Variants in RWDD1 observed in about 807,000 individuals in gnomAD.
RWDD1 encodes RWD domain-containing protein 1.
Under a neutral mutation model 31.6 loss-of-function variants are expected in RWDD1, and 17 were observed. The ratio of observed to expected loss-of-function variants is 0.54; its 90% CI spans 0.37 to 0.81. The LOEUF (loss-of-function observed/expected upper bound fraction) is 0.81. RWDD1 is among the 30% of genes least tolerant of loss of function. The pLI is 0.00. For missense variants in RWDD1, 204 were observed against 274.5 expected, an observed-to-expected ratio of 0.74 and a Z score of 1.82; for synonymous variants, 78 against 94.2, an observed-to-expected ratio of 0.83 and a Z score of 0.99.
chr6:116,571,671 G>T lies in RWDD1; in HGVS notation c.73+16G>T, dbSNP rs1200447885. The stretch of plus-strand genomic sequence containing the variant: ...TCCTTCACAGGTGACTCCCGCGGCC[G>T]CAAGCCTGTAGCCGCCCCGAGGTGG... On this transcript the variant is annotated intron_variant, in intron 1 of 6. Coordinates refer to ENST00000466444, the MANE Select transcript of RWDD1 (RefSeq NM_015952.4). The T allele has an allele frequency of 5.0e-6, 8 of 1,602,790 alleles. No individual in the cohort carries two copies. The highest frequency in any genetic ancestry group is 5.1e-6 in the Non-Finnish European group (6 of 1,175,390).
At chr6:116,578,249 A>G (rs1256501068) in intron 1 of RWDD1, among the ~76,000 whole-genome samples, 1 of 152,198 alleles carries the variant, frequency 6.6e-6, no homozygotes, top group Non-Finnish European at 1.5e-5. Flanking sequence ...CTGAATTCTT[A>G]TGAACTTTTC....
chr6:116,579,074 C>T (rs1243502548), intron 1 of RWDD1, among the ~76,000 whole-genome samples: 2 of 152,130 alleles, frequency 1.3e-5, no homozygotes, highest in Admixed American at 1.3e-4. Context: ...TGAGGTTTCA[C>T]CATGTTGGCC....
At chr6:116,582,922 A>C (rs116650244) in intron 2 of RWDD1, among the ~76,000 whole-genome samples, 4 of 144,048 alleles carry the variant, frequency 2.8e-5, no homozygotes, top group Non-Finnish European at 6.2e-5. Flanking sequence ...GCTTCAACCC[A>C]TAAGTTTTGG....
intron 5 of RWDD1, 24 bp downstream of exon 5, chr6:116,590,428 T>A: frequency 1.3e-6 from 2 of 1,566,972 alleles, no homozygotes; most frequent in Non-Finnish European, 1.7e-6. Flanking sequence ...GCCATTCCTG[T>A]TCTTCCTAAA....
At chr6:116,582,622 A>G (rs1206480818) in intron 2 of RWDD1, among the ~76,000 whole-genome samples, 1 of 152,008 alleles carries the variant, frequency 6.6e-6, no homozygotes, top group Admixed American at 6.6e-5. Flanking sequence ...ATATCTCCCC[A>G]TCCCTGATAT....
rs1775238288 is a variant in RWDD1, at chr6:116,596,336, T to C, written c.*3235T>C. On this transcript the variant is annotated 3_prime_UTR_variant, in exon 7 of 7. Coordinates refer to ENST00000466444, the MANE Select transcript of RWDD1 (RefSeq NM_015952.4). ...TTGAGTAGCATTAGTTTGTTTTCTG[T>C]TTAGGAACTGTATCAGGGTGACAAA... 1 of 152,190 alleles carries C rather than the reference T, an allele frequency of 6.6e-6. No homozygotes were observed. Among genetic ancestry groups the C allele is most frequent in the Non-Finnish European group, 1.5e-5 (1 of 68,024 alleles). The allele number at this position is 152,190 out of a possible 1,614,324, so 9.4% of individuals were successfully genotyped here.
intron 1 of RWDD1, chr6:116,572,844 T>G: frequency 1.0e-6 from 1 of 985,496 alleles, no homozygotes; most frequent in Non-Finnish European, 1.2e-6. Flanking sequence ...AATTTTGTTC[T>G]GCTTTGCCAA....
At chr6:116,575,441 A>C (rs1011246092) in intron 1 of RWDD1, among the ~76,000 whole-genome samples, 2 of 152,162 alleles carry the variant, frequency 1.3e-5, no homozygotes, top group Non-Finnish European at 2.9e-5. Flanking sequence ...CTTAGTGAAG[A>C]CTAATCTTTC....
intron 3 of RWDD1, among the ~76,000 whole-genome samples, chr6:116,586,241 GATA>G: frequency 6.6e-6 from 1 of 151,704 alleles, no homozygotes; most frequent in African/African-American, 2.4e-5. Context: ...AAACTCAGAA[GATA>G]CAAAAAATCA....
In RWDD1 at chr6:116,592,966, G is replaced by C; in HGVS notation, c.611-14G>C. 6.4e-7 allele frequency: 1 copy of C among 1,565,838 alleles called. No individual in the cohort carries two copies. The highest frequency in any genetic ancestry group is 8.6e-7 in the Non-Finnish European group (1 of 1,164,028). On this transcript the variant is annotated splice_polypyrimidine_tract_variant and intron_variant, in intron 6 of 6. Coordinates refer to ENST00000466444, the MANE Select transcript of RWDD1 (RefSeq NM_015952.4). The stretch of plus-strand genomic sequence containing the variant: ...TAAAGGAGATTTTTTTTTTTTTTTG[G>C]TTGCCTTTTGCAGCTGGAAACAACG...
chr6:116,588,819 C>A, intron 3 of RWDD1, 23 bp from the exon 4 acceptor site: 1 of 1,501,960 alleles, frequency 6.7e-7, no homozygotes, highest in Non-Finnish European at 8.8e-7. Context: ...AGTTATTCCT[C>A]ATCACCTTTT....
At chr6:116,587,161 T>A (rs1169166215) in intron 3 of RWDD1, among the ~76,000 whole-genome samples, 1 of 152,182 alleles carries the variant, frequency 6.6e-6, no homozygotes, top group Non-Finnish European at 1.5e-5. Context: ...AAAGACACCA[T>A]CCCTGGTCTC....
chr6:116,578,523 T>A (rs972971847), intron 1 of RWDD1, among the ~76,000 whole-genome samples: 38 of 152,006 alleles, frequency 2.5e-4, no homozygotes, highest in Non-Finnish European at 3.4e-4. Context: ...TGGTAATAAG[T>A]TGGAATGTCA....
At position 116,596,920 on chromosome 6, in the gene RWDD1, C is replaced by G. The variant is rs907690299; in HGVS notation, c.*3819C>G. Reference sequence around the variant, plus strand: ...TTAATATTCTGGCCAGCACCTTATCCATTTGTAGCCACGCCAACAAATTTA... The same window carrying G: ...TTAATATTCTGGCCAGCACCTTATCGATTTGTAGCCACGCCAACAAATTTA... On this transcript the variant is annotated 3_prime_UTR_variant, in exon 7 of 7. Coordinates refer to ENST00000466444, the MANE Select transcript of RWDD1 (RefSeq NM_015952.4). The G allele has an allele frequency of 6.6e-6, 1 of 152,062 alleles. No homozygotes were observed. Among genetic ancestry groups the G allele is most frequent in the Non-Finnish European group, 1.5e-5 (1 of 68,010 alleles). 9.4% of individuals were successfully genotyped at this position (152,062 alleles called of 1,614,324 possible). A position where few individuals can be genotyped will look rare whatever the true frequency, so the allele number is the denominator to read the frequency against.
rs1775211164 is a variant in RWDD1, at chr6:116,594,577, T to C, written c.*1476T>C. The C allele has an allele frequency of 6.6e-6, 1 of 152,226 alleles. No individual in the cohort carries two copies. The highest frequency in any genetic ancestry group is 2.1e-4 in the South Asian group (1 of 4,830). The allele number at this position is 152,226 out of a possible 1,614,324, so 9.4% of individuals were successfully genotyped here. A position where few individuals can be genotyped will look rare whatever the true frequency, so the allele number is the denominator to read the frequency against. On this transcript the variant is annotated 3_prime_UTR_variant, in exon 7 of 7. Coordinates refer to ENST00000466444, the MANE Select transcript of RWDD1 (RefSeq NM_015952.4). Reference sequence around the variant, plus strand: ...GGTATTTTCTTTACCTCTTCTCTAATTAACCAGTCTGAAGGAGTTTGAATT... The same window carrying C: ...GGTATTTTCTTTACCTCTTCTCTAACTAACCAGTCTGAAGGAGTTTGAATT...
At chr6:116,584,150 C>G (rs1437288858) in intron 2 of RWDD1, among the ~76,000 whole-genome samples, 1 of 152,152 alleles carries the variant, frequency 6.6e-6, no homozygotes, top group African/African-American at 2.4e-5. Flanking sequence ...TACTTCCGTA[C>G]AAGTGTGAGA....
At position 116,597,488 on chromosome 6, in the gene RWDD1, A is replaced by C. The variant is rs1775256908; in HGVS notation, c.*4387A>C. On this transcript the variant is annotated 3_prime_UTR_variant, in exon 7 of 7. Transcript: ENST00000466444. The stretch of plus-strand genomic sequence containing the variant: ...TTTCTTGACTTCTTCATCTCCCTGC[A>C]TAAAGATGAAGGGTATTTAGCTCTG... The C allele has an allele frequency of 6.6e-6, 1 of 152,308 alleles. No individual in the cohort carries two copies. Among genetic ancestry groups the C allele is most frequent in the East Asian group, 1.9e-4 (1 of 5,186 alleles). The allele number at this position is 152,308 out of a possible 1,614,324, so 9.4% of individuals were successfully genotyped here. A position where few individuals can be genotyped will look rare whatever the true frequency, so the allele number is the denominator to read the frequency against.
At chr6:116,587,670 G>A (rs539496152) in intron 3 of RWDD1, among the ~76,000 whole-genome samples, 2 of 145,926 alleles carry the variant, frequency 1.4e-5, no homozygotes, top group African/African-American at 5.3e-5. Context: ...CTCTCTGTGT[G>A]TATGTGTGTG....
Position 116,574,916 on chromosome 6 carries a change from G to A in RWDD1, c.73+3261G>A, listed in dbSNP as rs1031297714. Among the ~76,000 whole-genome samples the A allele has an allele frequency of 5.9e-5, 9 of 151,802 alleles. No homozygotes were observed. The South Asian group carries it at 1.2e-3, about 21-fold the overall frequency. On this transcript the variant is annotated intron_variant, in intron 1 of 6. Transcript: ENST00000466444. ...CCAGAGTAGCTGGGATTACAGGCTC[G>A]CAGTACCATGCCTGGCTAATTTTTT...
Sources: allele counts gnomAD v4.1 joint callset (sites outside exome capture counted in the v4.1 genomes callset), GRCh38; gene constraint gnomAD v4.1.1; transcripts MANE v1.5; gene names NCBI Gene and HGNC (gene_info 2026-07-23, HGNC 2026-07-21).